Variants in ESPL1 observed in about 807,000 individuals in gnomAD.
ESPL1 encodes separin.
ESPL1 carries 50 observed loss-of-function variants against 217.2 expected under a neutral mutation model. The ratio of observed to expected loss-of-function variants is 0.23; its 90% CI spans 0.18 to 0.29. The LOEUF is 0.29. ESPL1 is among the 10% of genes least tolerant of loss of function. ESPL1 has a pLI of 1.00. For synonymous variants in ESPL1, 994 were observed against 1,081.3 expected (o/e 0.92, Z 1.58); for missense variants, 1,834 against 2,603.0 (o/e 0.70, Z 6.43).
In ESPL1 at chr12:53,282,492, C is replaced by G; in HGVS notation, c.2791+57C>G. 1 of 1,514,678 alleles carries G rather than the reference C, an allele frequency of 6.6e-7. No homozygotes were observed. The highest frequency in any genetic ancestry group is 9.1e-7 in the Non-Finnish European group (1 of 1,099,844). The allele number at this position is 1,514,678 out of a possible 1,614,324, so 93.8% of individuals were successfully genotyped here. A position where few individuals can be genotyped will look rare whatever the true frequency, so the allele number is the denominator to read the frequency against. The stretch of plus-strand genomic sequence containing the variant: ...ATGACATGTATGGTCTGTCTGCTGT[C>G]AGCTCTTCTCAAACCTCATCCCCTC... On this transcript the variant is annotated intron_variant, in intron 14 of 30. Transcript: ENST00000257934. The surrounding 1 kb of genome is among the most constrained non-coding windows in gnomAD (Gnocchi z 4.0).
At position 53,286,609 on chromosome 12, in the gene ESPL1, C is replaced by G; in HGVS notation, c.3873C>G (p.Ser1291=). The G allele has an allele frequency of 1.2e-6, 2 of 1,614,192 alleles. No individual in the cohort carries two copies. Among genetic ancestry groups the G allele is most frequent in the Non-Finnish European group, 1.7e-6 (2 of 1,180,040 alleles). The change falls in exon 18 of 31, where the codon TCC becomes TCG. Residue 1291 remains serine (S), a synonymous_variant. Transcript: ENST00000257934. This position sits in a 1 kb window ranked among gnomAD's most constrained non-coding sequence, Gnocchi z 5.3. ...SCCTTQLFAS[S]WGWQPPLIKS... is the part of the protein sequence containing the mutation. ...GTACTACCCAACTTTTTGCAAGCTC[C>G]TGGGGCTGGCAGCCACCATTAATAA...
intron 6 of ESPL1, 109 bp from the exon 7 acceptor site, chr12:53,274,708 C>A: frequency 1.1e-6 from 1 of 891,118 alleles, no homozygotes. Context: ...GCCCACCTGC[C>A]AACCCCGCCC....
At chr12:53,289,985 CT>C in intron 22 of ESPL1, 99 bp from the exon 23 acceptor site, 1 of 1,415,454 alleles carries the variant, frequency 7.1e-7, no homozygotes, top group Non-Finnish European at 9.7e-7. Context: ...GGGAAGGCTT[CT>C]TGATGCTGGC....
In ESPL1 at chr12:53,291,734, G is replaced by A; in HGVS notation, c.5565G>A (p.Gln1855=). 1 of 1,613,972 alleles carries A rather than the reference G, an allele frequency of 6.2e-7. No homozygotes were observed. The highest frequency in any genetic ancestry group is 8.5e-7 in the Non-Finnish European group (1 of 1,179,956). Residue 1855 remains glutamine, a synonymous_variant, in exon 26 of 31, where the codon CAG becomes CAA. Coordinates refer to ENST00000257934, the MANE Select transcript of ESPL1 (RefSeq NM_012291.5). Reference sequence around the variant, plus strand: ...GTGCCCTCACCCCTCAGGACATTCAGGCCCTGGCCTACGGGCTGTGCCCAA... The same window carrying A: ...GTGCCCTCACCCCTCAGGACATTCAAGCCCTGGCCTACGGGCTGTGCCCAA... ...GAGALTPQDI[Q]ALAYGLCPTQ...
Position 53,284,047 on chromosome 12 carries a change from C to G in ESPL1, c.3078-11C>G. On this transcript the variant is annotated splice_polypyrimidine_tract_variant and intron_variant, in intron 16 of 30. Coordinates refer to ENST00000257934, the MANE Select transcript of ESPL1 (RefSeq NM_012291.5). Reference sequence around the variant, plus strand: ...TTCCTCTGATTGGTTCTCCTCTCCTCTCTCAACAAGGTGTGCCCTGTTCCT... The same window carrying G: ...TTCCTCTGATTGGTTCTCCTCTCCTGTCTCAACAAGGTGTGCCCTGTTCCT... 6.3e-7 allele frequency: 1 copy of G among 1,591,380 alleles called. No homozygotes were observed. Among genetic ancestry groups the G allele is most frequent in the Non-Finnish European group, 8.6e-7 (1 of 1,159,296 alleles).
intron 16 of ESPL1, 113 bp downstream of exon 16, chr12:53,283,651 GA>G: frequency 1.2e-5 from 13 of 1,050,378 alleles, no homozygotes; most frequent in South Asian, 1.5e-5. Flanking sequence ...TACATTCGTG[GA>G]AAAAGGCATT....
intron 17 of ESPL1, 110 bp from the exon 18 acceptor site, chr12:53,285,814 A>G (rs1241600807): frequency 1.4e-6 from 1 of 720,936 alleles, no homozygotes; most frequent in Non-Finnish European, 2.4e-6. Flanking sequence ...ATATATATAC[A>G]CGTACGTATA....
intron 6 of ESPL1, chr12:53,274,066 G>C (rs1943723523): frequency 6.6e-6 from 1 of 151,894 alleles, no homozygotes; most frequent in East Asian, 2.0e-4. Flanking sequence ...ATCTTGGCCG[G>C]GCTGGTCTTG....
At position 53,286,952 on chromosome 12, in the gene ESPL1, G is replaced by T; in HGVS notation, c.4176+40G>T. 6.5e-7 allele frequency: 1 copy of T among 1,548,714 alleles called. No homozygotes were observed. Among genetic ancestry groups the T allele is most frequent in the African/African-American group, 1.4e-5 (1 of 73,148 alleles). ...TTGCTAGGTGGTGGTGATGGTGTTG[G>T]ATGGGGTTAGTCCTGGAGGAGAGTG... On this transcript the variant is annotated intron_variant, in intron 18 of 30. Transcript: ENST00000257934. This position sits in a 1 kb window ranked among gnomAD's most constrained non-coding sequence, Gnocchi z 5.3.
chr12:53,275,069 G>A (rs764765809), intron 7 of ESPL1, 59 bp downstream of exon 7: 10 of 1,352,550 alleles, frequency 7.4e-6, no homozygotes, highest in South Asian at 3.0e-5. Flanking sequence ...TTGGGAAGCC[G>A]AGGCGGGTGG....
intron 16 of ESPL1, among the ~76,000 whole-genome samples, 182 bp downstream of exon 16, chr12:53,283,720 T>C (rs1012098914): frequency 3.3e-5 from 5 of 152,232 alleles, no homozygotes; most frequent in African/African-American, 9.6e-5. Flanking sequence ...TTTTATTTCC[T>C]GTAGGACTCT....
At chr12:53,274,039 G>A in intron 6 of ESPL1, 1 of 151,848 alleles carries the variant, frequency 6.6e-6, no homozygotes, top group Non-Finnish European at 1.5e-5. Flanking sequence ...ATTTTTAGTA[G>A]AGACGGGGGT....
chr12:53,276,779 C>T lies in ESPL1; in HGVS notation c.1860C>T (p.Ala620=), dbSNP rs61760168. Residue 620 remains alanine (A), a synonymous_variant, in exon 8 of 31, where the codon GCC becomes GCT. Coordinates refer to ENST00000257934, the MANE Select transcript of ESPL1 (RefSeq NM_012291.5). The part of the protein sequence containing the change: ...LLELSPEETP[A]GAWARATHLV... ...AGCTGAGCCCCGAGGAGACACCAGC[C>T]GGGGCCTGGGCACGAGCCACCCACC... 58 of 1,613,798 alleles carry T rather than the reference C, an allele frequency of 3.6e-5. No homozygotes were observed. The highest frequency in any genetic ancestry group is 8.0e-5 in the African/African-American group (6 of 74,944).
chr12:53,292,596 G>T lies in ESPL1; in HGVS notation c.5935G>T (p.Val1979Phe). Residue 1979 changes from valine (V) to phenylalanine (F), a missense_variant, in exon 29 of 31, where the codon GTT (valine) becomes TTT (phenylalanine). Physicochemically the swap from Val to Phe is conservative, Grantham distance 50. Around this residue, in one of 5 missense-constraint regions of ESPL1, gnomAD observed 295 missense variants for 519.8 expected, o/e 0.57. Coordinates refer to ENST00000257934, the MANE Select transcript of ESPL1 (RefSeq NM_012291.5). The surrounding 1 kb of genome is among the most constrained non-coding windows in gnomAD (Gnocchi z 4.5). ...CAGTGAAGCTGGCTGGAGAGGAGTG[G>T]TTGGGGAGGTGCCAAGACCTGAACA... ...FSSEAGWRGV[V>F]GEVPRPEQVQ... is the part of the protein sequence containing the mutation. 1 of 1,612,494 alleles carries T rather than the reference G, an allele frequency of 6.2e-7. No homozygotes were observed. Among genetic ancestry groups the T allele is most frequent in the Non-Finnish European group, 8.5e-7 (1 of 1,179,966 alleles).
chr12:53,270,766 G>A lies in ESPL1; in HGVS notation c.1337G>A (p.Gly446Asp), dbSNP rs1943655654. 1.2e-6 allele frequency: 2 copies of A among 1,614,174 alleles called. No individual in the cohort carries two copies. The highest frequency in any genetic ancestry group is 1.7e-5 in the Admixed American group (1 of 60,020). Residue 446 changes from glycine to aspartate, a missense_variant, in exon 5 of 31, where the codon GGC becomes GAC. Physicochemically the swap from Gly to Asp is moderately conservative, Grantham distance 94 (BLOSUM62 -1). Transcript: ENST00000257934. ...CTGGAGGCCTTAGAGGGCCTGTCGG[G>A]CCAAGAGCTGACGGACCACATGGGG... is the stretch of plus-strand genomic sequence containing the variant. ...WMLEALEGLS[G>D]QELTDHMGMT... is the part of the protein sequence containing the mutation.
chr12:53,280,899 A>G (rs1943849516), intron 12 of ESPL1, among the ~76,000 whole-genome samples: 2 of 151,532 alleles, frequency 1.3e-5, no homozygotes, highest in African/African-American at 4.8e-5. Flanking sequence ...AGGCTGAGAC[A>G]GGAGAGCACT....
Position 53,283,372 on chromosome 12 carries a change from T to C in ESPL1, c.2921-10T>C. ...GCTGAGTGATGGTGGTCTTGTCTCT[T>C]TTGCTACAGGTGAAAATCTGGTACA... On this transcript the variant is annotated splice_polypyrimidine_tract_variant and intron_variant, in intron 15 of 30. Transcript: ENST00000257934. 1 of 1,614,044 alleles carries C rather than the reference T, an allele frequency of 6.2e-7. No individual in the cohort carries two copies. The highest frequency in any genetic ancestry group is 2.2e-5 in the East Asian group (1 of 44,882).
chr12:53,268,451 A>G, intron 1 of ESPL1, 74 bp downstream of exon 1: 1 of 323,548 alleles, frequency 3.1e-6, no homozygotes, highest in Non-Finnish European at 5.7e-6. Context: ...ACGCGAGGAG[A>G]GGCGTGGGTG....
Position 53,269,423 on chromosome 12 carries a change from C to A in ESPL1, c.481C>A (p.Arg161=). The A allele has an allele frequency of 6.2e-7, 1 of 1,613,832 alleles. No homozygotes were observed. Among genetic ancestry groups the A allele is most frequent in the African/African-American group, 1.3e-5 (1 of 74,988 alleles). ...GAAGGGGGCAGAAGCCCTGTTGGAACGGCGAGCTGCATTTGCAGCTCGGCT... is the reference window on the plus strand; with the variant it reads ...GAAGGGGGCAGAAGCCCTGTTGGAAAGGCGAGCTGCATTTGCAGCTCGGCT... ...LWKGAEALLE[R]RAAFAARLKA... The change falls in exon 3 of 31, where the codon CGG becomes AGG. Residue 161 remains arginine (R), a synonymous_variant. Transcript: ENST00000257934. The surrounding 1 kb of genome is among the most constrained non-coding windows in gnomAD (Gnocchi z 6.7).
Sources: gnomAD v4.1 joint callset for allele counts (sites outside exome capture counted in the v4.1 genomes callset) on GRCh38, gnomAD v4.1.1 for gene constraint, gnomAD v4.1.1 regional missense constraint, Gnocchi (gnomAD v3.1) non-coding constraint, MANE v1.5 for transcripts, NCBI Gene and HGNC (gene_info 2026-07-23, HGNC 2026-07-21) for gene names.